DCAF5: variants seen among roughly 807,000 people sequenced by gnomAD.
DCAF5 encodes DDB1- and CUL4-associated factor 5.
In DCAF5, 9 loss-of-function variants were observed where a neutral mutation model predicts 80.7. The observed-to-expected ratio is 0.11, with a 90% CI of 0.07 to 0.19. The LOEUF is 0.19. DCAF5 is among the 10% of genes least tolerant of loss of function. The pLI is 1.00. For missense variants in DCAF5, 842 were observed against 1,205.7 expected (o/e 0.70, Z 4.47); for synonymous variants, 433 against 461.9 (o/e 0.94, Z 0.80).
intron 1 of DCAF5, among the ~76,000 whole-genome samples, chr14:69,135,595 T>G (rs1340976935): frequency 3.3e-5 from 5 of 152,222 alleles, no homozygotes; most frequent in African/African-American, 1.2e-4. Flanking sequence ...GGGTATTTGC[T>G]AATATTTTCT....
Position 69,055,231 on chromosome 14 carries a change from G to C in DCAF5, c.1455C>G (p.Pro485=). 6.2e-7 allele frequency: 1 copy of C among 1,614,192 alleles called. No homozygotes were observed. Among genetic ancestry groups the C allele is most frequent in the South Asian group, 1.1e-5 (1 of 91,082 alleles). Residue 485 remains proline (P), a synonymous_variant, in exon 9 of 9, where the codon CCC becomes CCG. Transcript: ENST00000341516. This position sits in a 1 kb window ranked among gnomAD's most constrained non-coding sequence, Gnocchi z 5.6. Reference sequence around the variant, plus strand: ...CTGTGTTTGTGGTGGTGACCCGCAGGGGCCCCAGGTGGAAGGCGTTGTCGG... The same window carrying C: ...CTGTGTTTGTGGTGGTGACCCGCAGCGGCCCCAGGTGGAAGGCGTTGTCGG... The part of the protein sequence containing the change: ...ESADNAFHLG[P]LRVTTTNTVA...
chr14:69,142,758 A>C (rs551478531), intron 1 of DCAF5, among the ~76,000 whole-genome samples: 73 of 152,328 alleles, frequency 4.8e-4, no homozygotes, highest in Admixed American at 3.1e-3. Context: ...ATGTATAACT[A>C]TATGAGGAAA....
In DCAF5 at chr14:69,102,657, T is replaced by A. The variant is rs139060552; in HGVS notation, c.666-10770A>T. The stretch of plus-strand genomic sequence containing the variant: ...ACCTACACAGGGTCAGGCTCATCAA[T>A]ATCACTATCTTCTACCTTCACATCT... On this transcript the variant is annotated intron_variant, in intron 5 of 8. Coordinates refer to ENST00000341516, the MANE Select transcript of DCAF5 (RefSeq NM_003861.3). Among the ~76,000 whole-genome samples, 524 of 139,978 alleles carry A rather than the reference T, an allele frequency of 3.7e-3. 5 individuals carry two copies. The highest frequency in any genetic ancestry group is 0.012 in the African/African-American group (453 of 39,276). The allele number at this position is 139,978 out of a possible 152,430, so 91.8% of individuals were successfully genotyped here. A position where few individuals can be genotyped will look rare whatever the true frequency, so the allele number is the denominator to read the frequency against.
chr14:69,119,335 C>G (rs1361522796), intron 2 of DCAF5, 105 bp from the exon 3 acceptor site: 2 of 1,071,122 alleles, frequency 1.9e-6, no homozygotes, highest in Non-Finnish European at 2.8e-6. Context: ...TGAACAAAGC[C>G]AATGCTAATA....
intron 6 of DCAF5, among the ~76,000 whole-genome samples, chr14:69,075,849 G>C (rs2038878812): frequency 1.3e-5 from 2 of 151,800 alleles, no homozygotes; most frequent in African/African-American, 4.8e-5. Context: ...AAGATAAATG[G>C]GCATATATTT....
chr14:69,144,148 T>C (rs1030912802), intron 1 of DCAF5, among the ~76,000 whole-genome samples: 6 of 152,066 alleles, frequency 3.9e-5, no homozygotes, highest in African/African-American at 1.4e-4. Flanking sequence ...ATTGCCTTTC[T>C]ACACTACAGG....
Position 69,053,740 on chromosome 14 carries a change from C to G in DCAF5, c.*117G>C. On this transcript the variant is annotated 3_prime_UTR_variant, in exon 9 of 9. Transcript: ENST00000341516. ...GGGAGCAGCATCAGACACAAAATTT[C>G]AGGCCCTGGTTTCATGTGCCTTTAA... 1 of 1,003,414 alleles carries G rather than the reference C, an allele frequency of 1.0e-6. No individual in the cohort carries two copies. Among genetic ancestry groups the G allele is most frequent in the Non-Finnish European group, 1.4e-6 (1 of 710,788 alleles). The allele number at this position is 1,003,414 out of a possible 1,614,324, so 62.2% of individuals were successfully genotyped here. A position where few individuals can be genotyped will look rare whatever the true frequency, so the allele number is the denominator to read the frequency against.
At chr14:69,080,441 G>A (rs1314651289) in intron 6 of DCAF5, among the ~76,000 whole-genome samples, 1 of 152,164 alleles carries the variant, frequency 6.6e-6, no homozygotes, top group Non-Finnish European at 1.5e-5. Context: ...CAAACCCAAA[G>A]TACTTCATCG....
At chr14:69,070,044 A>C (rs1049296973) in intron 7 of DCAF5, among the ~76,000 whole-genome samples, 1 of 152,194 alleles carries the variant, frequency 6.6e-6, no homozygotes, top group Non-Finnish European at 1.5e-5. Flanking sequence ...GAGTTTGGTA[A>C]GATTAGGAAA....
intron 6 of DCAF5, among the ~76,000 whole-genome samples, chr14:69,082,573 T>C (rs1032217316): frequency 3.3e-5 from 5 of 152,216 alleles, no homozygotes; most frequent in African/African-American, 1.2e-4. Flanking sequence ...TGGCCAGCGT[T>C]ACTTAAAGAT....
chr14:69,095,253 G>T (rs2039663388), intron 5 of DCAF5, among the ~76,000 whole-genome samples: 1 of 152,160 alleles, frequency 6.6e-6, no homozygotes, highest in African/African-American at 2.4e-5. Context: ...CTCCTTCAGA[G>T]AAGTGGCCAC....
chr14:69,108,001 G>A (rs926581406), intron 5 of DCAF5, among the ~76,000 whole-genome samples: 1 of 152,216 alleles, frequency 6.6e-6, no homozygotes, highest in Non-Finnish European at 1.5e-5. Flanking sequence ...TTTCTGTGAA[G>A]CAGCTCCTGG....
chr14:69,106,394 G>A (rs2040161248), intron 5 of DCAF5, among the ~76,000 whole-genome samples: 1 of 150,614 alleles, frequency 6.6e-6, no homozygotes, highest in Non-Finnish European at 1.5e-5. Context: ...TTAGTGATAG[G>A]GTCTCATTCT....
intron 6 of DCAF5, chr14:69,089,657 T>A (rs574346973): frequency 1.3e-5 from 2 of 152,278 alleles, no homozygotes; most frequent in Non-Finnish European, 2.9e-5. Flanking sequence ...ATACCTTCTG[T>A]GGCTCTGCCT....
intron 7 of DCAF5, among the ~76,000 whole-genome samples, chr14:69,069,601 C>T (rs894007053): frequency 6.6e-6 from 1 of 152,040 alleles, no homozygotes; most frequent in Non-Finnish European, 1.5e-5. Flanking sequence ...GCCCAGTTTT[C>T]TTTCTGTTCT....
At chr14:69,089,899 C>T in intron 6 of DCAF5, 8 of 982,756 alleles carry the variant, frequency 8.1e-6, no homozygotes, top group Non-Finnish European at 9.7e-6. Context: ...ACTATCTAGC[C>T]AAAATGTTAA....
At chr14:69,058,807 G>A (rs1329630207) in intron 8 of DCAF5, among the ~76,000 whole-genome samples, 1 of 149,674 alleles carries the variant, frequency 6.7e-6, no homozygotes, top group Non-Finnish European at 1.5e-5. Context: ...TGGGGAGGTT[G>A]AGGCTGCAGT....
chr14:69,071,818 T>C (rs1047685036), intron 7 of DCAF5, among the ~76,000 whole-genome samples: 1 of 152,234 alleles, frequency 6.6e-6, no homozygotes. Flanking sequence ...TAAATATTTT[T>C]TATAGCTATG....
At chr14:69,074,918 C>T (rs895188814) in intron 7 of DCAF5, among the ~76,000 whole-genome samples, 1 of 151,906 alleles carries the variant, frequency 6.6e-6, no homozygotes, top group South Asian at 2.1e-4. Context: ...CCTGTAATCC[C>T]AGCTACTCAG....
Sources: allele counts gnomAD v4.1 joint callset (sites outside exome capture counted in the v4.1 genomes callset), GRCh38; gene constraint gnomAD v4.1.1; non-coding constraint Gnocchi (gnomAD v3.1); transcripts MANE v1.5; gene names NCBI Gene and HGNC (gene_info 2026-07-23, HGNC 2026-07-21).